Variants in CBR4 observed in about 807,000 individuals in gnomAD.
CBR4 encodes the protein 3-oxoacyl-[acyl-carrier-protein] reductase.
A neutral mutation model predicts 21.0 loss-of-function variants in CBR4; 22 were observed. The ratio of observed to expected loss-of-function variants is 1.05; its 90% CI spans 0.75 to 1.50. CBR4 has a LOEUF of 1.50. Among genes scored for constraint, CBR4 ranks in the 40% most tolerant of loss-of-function variants. The pLI is 0.00. For synonymous variants in CBR4, 100 were observed against 104.4 expected (o/e 0.96, Z 0.26); for missense variants, 302 against 286.3 (o/e 1.05, Z -0.40).
chr4:169,005,284 T>G (rs1439595139), intron 3 of CBR4: 1 of 152,192 alleles, frequency 6.6e-6, no homozygotes, highest in Admixed American at 6.5e-5. Flanking sequence ...CAGAACCTAT[T>G]AACAGTAGTG....
chr4:168,987,321 T>C (rs1764723885), downstream of CBR4, among the ~76,000 whole-genome samples: 1 of 152,256 alleles, frequency 6.6e-6, no homozygotes, highest in African/African-American at 2.4e-5. Flanking sequence ...TTTATCTCAA[T>C]GATCTCCCCA....
intron 2 of CBR4, chr4:168,916,089 C>T (rs1294705127): frequency 1.4e-6 from 2 of 1,480,008 alleles, no homozygotes; most frequent in Admixed American, 1.7e-5. Flanking sequence ...TGCCATTTCT[C>T]TATAGTTCCT....
At chr4:169,009,797 T>G in intron 1 of CBR4, 151 bp downstream of exon 1, 1 of 713,550 alleles carries the variant, frequency 1.4e-6, no homozygotes, top group Non-Finnish European at 2.2e-6. Flanking sequence ...ACGAGACGCA[T>G]TCTACCCTTG....
intron 2 of CBR4, among the ~76,000 whole-genome samples, chr4:168,951,318 A>T (rs549129833): frequency 6.6e-6 from 1 of 152,206 alleles, no homozygotes; most frequent in East Asian, 1.9e-4. Flanking sequence ...CGGCCTCCCA[A>T]ATGCTGGGAT....
At chr4:168,921,425 AAG>A in intron 2 of CBR4, 3 of 677,994 alleles carry the variant, frequency 4.4e-6, no homozygotes, top group South Asian at 1.9e-5. Flanking sequence ...AAAAAAAAAA[AAG>A]CCACCTCTTG....
intron 2 of CBR4, among the ~76,000 whole-genome samples, chr4:168,908,591 C>T (rs1453494484): frequency 6.6e-6 from 1 of 152,054 alleles, no homozygotes; most frequent in Non-Finnish European, 1.5e-5. Context: ...CTCCTTACTT[C>T]CTTAATGCCC....
chr4:168,913,578 C>T (rs1759487927), intron 2 of CBR4, among the ~76,000 whole-genome samples: 1 of 152,066 alleles, frequency 6.6e-6, no homozygotes, highest in South Asian at 2.1e-4. Flanking sequence ...AGACTGATGT[C>T]CTCCTGCTAT....
downstream of CBR4, among the ~76,000 whole-genome samples, chr4:168,984,840 G>A (rs1764639759): frequency 6.6e-6 from 1 of 152,150 alleles, no homozygotes; most frequent in Non-Finnish European, 1.5e-5. Flanking sequence ...AAATGGTGCT[G>A]GGATAACTGG....
intron 4 of CBR4, among the ~76,000 whole-genome samples, chr4:168,996,936 C>A (rs1373665261): frequency 6.6e-6 from 1 of 152,162 alleles, no homozygotes; most frequent in Non-Finnish European, 1.5e-5. Flanking sequence ...TATCATGTAT[C>A]ACAGACCTGA....
At chr4:168,921,817 C>G in intron 2 of CBR4, 3 of 1,131,294 alleles carry the variant, frequency 2.7e-6, no homozygotes, top group Non-Finnish European at 4.0e-6. Flanking sequence ...TTCTACATTA[C>G]TAACCAATAC....
At chr4:168,909,170 C>T (rs571021990) in intron 2 of CBR4, among the ~76,000 whole-genome samples, 36 of 152,272 alleles carry the variant, frequency 2.4e-4, no homozygotes, top group African/African-American at 6.7e-4. Context: ...TTAAGAACAA[C>T]GACATCTAAA....
chr4:169,002,367 G>A (rs576690750), intron 3 of CBR4, among the ~76,000 whole-genome samples, 162 bp from the exon 4 acceptor site: 15 of 152,198 alleles, frequency 9.9e-5, no homozygotes, highest in Admixed American at 5.9e-4. Flanking sequence ...AGTCATTTAC[G>A]GAAGATTTAA....
intron 2 of CBR4, among the ~76,000 whole-genome samples, chr4:168,909,289 T>C (rs1281303993): frequency 6.6e-6 from 1 of 152,204 alleles, no homozygotes; most frequent in Non-Finnish European, 1.5e-5. Flanking sequence ...GCATTATGTA[T>C]ACAAGTGGCA....
At chr4:168,971,809 A>C (rs1764218526) in intron 2 of CBR4, among the ~76,000 whole-genome samples, 1 of 151,932 alleles carries the variant, frequency 6.6e-6, no homozygotes, top group African/African-American at 2.4e-5. Context: ...AATCCCATCT[A>C]TTTATCTTTG....
chr4:169,007,668 T>A lies in CBR4; in HGVS notation c.231A>T (p.Val77=). ...FEELEKHLGR[V]NFLVNAAGIN... ...TACCAGCTGCATTTACCAAGAAATT[T>A]ACTCGACCTAAATGTTTCTCCAGCT... Residue 77 remains valine (V), a synonymous_variant, in exon 2 of 5, where the codon GTA becomes GTT. Transcript: ENST00000306193. 1 of 1,588,422 alleles carries A rather than the reference T, an allele frequency of 6.3e-7. No homozygotes were observed. Among genetic ancestry groups the A allele is most frequent in the Admixed American group, 1.8e-5 (1 of 55,826 alleles).
chr4:168,980,288 G>A (rs992734315), intron 2 of CBR4, among the ~76,000 whole-genome samples: 1 of 152,026 alleles, frequency 6.6e-6, no homozygotes, highest in South Asian at 2.1e-4. Context: ...GCACTGAGAA[G>A]GTACATGACT....
At chr4:169,002,855 CTT>C (rs1730576383) in intron 3 of CBR4, among the ~76,000 whole-genome samples, 1 of 151,538 alleles carries the variant, frequency 6.6e-6, no homozygotes, top group African/African-American at 2.4e-5. Flanking sequence ...CTCTGTGTCT[CTT>C]TGTCACATTT....
intron 2 of CBR4, among the ~76,000 whole-genome samples, chr4:168,909,171 G>A (rs190300508): frequency 1.4e-4 from 21 of 152,218 alleles, no homozygotes; most frequent in East Asian, 1.2e-3. Flanking sequence ...TAAGAACAAC[G>A]ACATCTAAAC....
At chr4:168,922,102 TACACACACACACACACACACACACAC>T (rs35503011) in intron 2 of CBR4, among the ~76,000 whole-genome samples, 4 of 132,630 alleles carry the variant, frequency 3.0e-5, no homozygotes, top group South Asian at 2.4e-4. Context: ...TATATATATA[TACACACACACACACACACACACACAC>T]ACACACACAC....
Sources: allele counts gnomAD v4.1 joint callset (sites outside exome capture counted in the v4.1 genomes callset), GRCh38; gene constraint gnomAD v4.1.1; transcripts MANE v1.5; gene names NCBI Gene and HGNC (gene_info 2026-07-23, HGNC 2026-07-21).